The following TMEM217 variants were observed in gnomAD, a reference collection of about 807,000 sequenced individuals.
TMEM217 encodes the protein transmembrane protein 217.
For missense variants in TMEM217, 204 were observed against 248.8 expected (o/e 0.82, Z 1.21); for synonymous variants, 76 against 88.3 (o/e 0.86, Z 0.78).
chr6:37,214,527 A>G (rs1055136986), downstream of TMEM217, among the ~76,000 whole-genome samples: 2 of 151,848 alleles, frequency 1.3e-5, no homozygotes, highest in African/African-American at 4.8e-5. Flanking sequence ...ATGCCTGGCC[A>G]TCTTCAGAAC....
chr6:37,218,101 G>A (rs1379071587), exon 2 of TMEM217: 4 of 1,031,182 alleles, frequency 3.9e-6, no homozygotes, highest in Non-Finnish European at 4.7e-6. Context: ...GGGAATCTGA[G>A]AGACCTACCT....
At chr6:37,215,247 A>C (rs1340413692), downstream of TMEM217, 5 of 1,614,014 alleles carry the variant, frequency 3.1e-6, no homozygotes, top group South Asian at 3.3e-5. Flanking sequence ...TGAGCTTGGC[A>C]CTGGAGACAG....
At chr6:37,222,848 G>GT (rs1763613730) in intron 1 of TMEM217, among the ~76,000 whole-genome samples, 1 of 152,258 alleles carries the variant, frequency 6.6e-6, no homozygotes, top group South Asian at 2.1e-4. Context: ...TCCATGGAGT[G>GT]TGTAACCCTA....
At chr6:37,254,438 C>A (rs758258079) in intron 1 of TMEM217, among the ~76,000 whole-genome samples, 17 of 152,134 alleles carry the variant, frequency 1.1e-4, no homozygotes, top group Non-Finnish European at 2.2e-4. Context: ...GGTGGCCTCC[C>A]TCCCTCATCA....
At chr6:37,219,022 C>T (rs754316344) in exon 2 of TMEM217, 2 of 1,612,422 alleles carry the variant, frequency 1.2e-6, no homozygotes. Context: ...ACCACTGCTG[C>T]TGTTTCATGC....
At chr6:37,220,966 A>C (rs1472096121) in intron 1 of TMEM217, among the ~76,000 whole-genome samples, 3 of 152,066 alleles carry the variant, frequency 2.0e-5, no homozygotes, top group Non-Finnish European at 4.4e-5. Context: ...ATACAAGATA[A>C]AATTTTACAT....
intron 1 of TMEM217, among the ~76,000 whole-genome samples, chr6:37,242,955 C>T (rs1583478831): frequency 6.6e-6 from 1 of 152,108 alleles, no homozygotes; most frequent in South Asian, 2.1e-4. Context: ...CTTCTCATGG[C>T]TCATTGGTCA....
In TMEM217 at chr6:37,250,446, A is replaced by C. The variant is rs1253089342; in HGVS notation, c.-12+7122T>G. Among the ~76,000 whole-genome samples the C allele has an allele frequency of 2.0e-5, 3 of 152,320 alleles. No individual in the cohort carries two copies. The South Asian group carries it at 6.2e-4, about 32-fold the overall frequency. ...TAGCGTCCCATGAAAAAATTCTACT[A>C]TAGGTGAGGATGTGGAGCAATGTAA... On this transcript the variant is annotated intron_variant, in intron 1 of 1. Transcript: ENST00000357219.
At chr6:37,212,251 A>T in exon 4 of TMEM217, 1 of 344,150 alleles carries the variant, frequency 2.9e-6, no homozygotes, top group South Asian at 2.3e-5. Flanking sequence ...TCTGTAAAAT[A>T]ATTGATCCGC....
chr6:37,248,281 A>G (rs893844762), intron 1 of TMEM217, among the ~76,000 whole-genome samples: 4 of 152,210 alleles, frequency 2.6e-5, no homozygotes, highest in Admixed American at 2.0e-4. Flanking sequence ...TGCTTAATAT[A>G]GTTTAGTGCC....
intron 1 of TMEM217, among the ~76,000 whole-genome samples, chr6:37,246,956 C>T (rs1257826935): frequency 1.3e-5 from 2 of 151,828 alleles, no homozygotes; most frequent in Non-Finnish European, 2.9e-5. Flanking sequence ...TGCCGGGTCC[C>T]GCAGTACCTA....
rs1380068564 is a variant in TMEM217 at position 37,248,353 on chromosome 6, T to G, written c.-12+9215A>C. ...AGAATTAATTTCTATCTACAGTGTG[T>G]GGCAATGATCTGGTGCAGTGCTGCA... is the stretch of plus-strand genomic sequence containing the variant. On this transcript the variant is annotated intron_variant, in intron 1 of 1. Transcript: ENST00000357219. 2.0e-5 allele frequency among the ~76,000 whole-genome samples: 3 copies of G among 152,228 alleles called. No homozygotes were observed. The East Asian group carries it at 5.8e-4, about 29-fold the overall frequency.
At chr6:37,245,523 A>G (rs1435876758) in intron 1 of TMEM217, among the ~76,000 whole-genome samples, 1 of 152,238 alleles carries the variant, frequency 6.6e-6, no homozygotes, top group Non-Finnish European at 1.5e-5. Flanking sequence ...AGTTCACAGG[A>G]AGGTTGGGAA....
At chr6:37,242,008 ATTT>A (rs35494889) in intron 1 of TMEM217, among the ~76,000 whole-genome samples, 10 of 129,982 alleles carry the variant, frequency 7.7e-5, no homozygotes, top group Admixed American at 1.6e-4. Context: ...TTCGATCTCA[ATTT>A]TTTTTTTTTT....
chr6:37,229,351 T>TTTTG (rs1293488066), intron 1 of TMEM217, among the ~76,000 whole-genome samples: 10 of 136,428 alleles, frequency 7.3e-5, no homozygotes, highest in African/African-American at 2.5e-4. Context: ...TTTTTTTTTT[T>TTTTG]TTTTTTTTTG....
intron 1 of TMEM217, among the ~76,000 whole-genome samples, chr6:37,241,508 C>A (rs552322171): frequency 1.3e-5 from 2 of 152,028 alleles, no homozygotes; most frequent in Non-Finnish European, 2.9e-5. Context: ...AACTCATGTG[C>A]GGCTAGAAGC....
At chr6:37,250,527 G>T in intron 1 of TMEM217, among the ~76,000 whole-genome samples, 1 of 152,226 alleles carries the variant, frequency 6.6e-6, no homozygotes, top group East Asian at 1.9e-4. Context: ...AGAACATTTT[G>T]CAACATTTAG....
intron 1 of TMEM217, among the ~76,000 whole-genome samples, chr6:37,240,440 G>A (rs1764709919): frequency 6.6e-6 from 1 of 152,098 alleles, no homozygotes; most frequent in South Asian, 2.1e-4. Context: ...CCTTTCTATA[G>A]TCCACTTGAA....
chr6:37,218,793 A>G, exon 2 of TMEM217: 1 of 1,614,240 alleles, frequency 6.2e-7, no homozygotes, highest in East Asian at 2.2e-5. Context: ...AGGAGGAAGC[A>G]GCTGATGAGG....
Sources: allele counts gnomAD v4.1 joint callset (sites outside exome capture counted in the v4.1 genomes callset), GRCh38; gene constraint gnomAD v4.1.1; transcripts MANE v1.5; gene names NCBI Gene and HGNC (gene_info 2026-07-23, HGNC 2026-07-21).